Variants in FGL1 observed in about 807,000 individuals in gnomAD.
The protein encoded by FGL1 is fibrinogen like 1.
A neutral mutation model predicts 43.7 loss-of-function variants in FGL1; 59 were observed. The observed-to-expected ratio is 1.35, with a 90% CI of 1.10 to 1.68. The LOEUF is 1.68. Ranked by LOEUF, FGL1 falls within the 40% of genes most tolerant of loss-of-function variation. FGL1 has a pLI of 0.00. For missense variants in FGL1, 596 were observed against 373.0 expected (o/e 1.60, Z -4.92); for synonymous variants, 192 against 126.5 (o/e 1.52, Z -3.48).
chr8:17,891,829 A>G (rs770807147), intron 1 of FGL1: 5 of 977,352 alleles, frequency 5.1e-6, no homozygotes, highest in Non-Finnish European at 6.1e-6. Context: ...AACAAAAATA[A>G]CTACTCTTAA....
Position 17,864,645 on chromosome 8 carries a change from T to A in FGL1, c.886A>T (p.Lys296Ter). ...YTWHGWWYSL[K>*]SVVMKIRPND... ...GGCCTAATTTTCATAACCACAGATT[T>A]CAGAGAATACCACCACCCATGCCAG... The change falls in exon 8 of 8, where the codon AAA becomes TAA. Residue 296 changes from lysine (K) to a stop codon, truncating the protein, a stop_gained. Transcript: ENST00000427924. LOFTEE classifies it high-confidence loss of function. 1 of 1,613,076 alleles carries A rather than the reference T, an allele frequency of 6.2e-7. No homozygotes were observed. The highest frequency in any genetic ancestry group is 8.5e-7 in the Non-Finnish European group (1 of 1,179,778).
intron 2 of FGL1, chr8:17,882,699 T>A (rs1326671598): frequency 2.5e-5 from 3 of 121,980 alleles, no homozygotes; most frequent in African/African-American, 7.8e-5. Flanking sequence ...GTATATTTAA[T>A]GTATATTATA....
chr8:17,887,985 T>A (rs1451008327), intron 1 of FGL1, among the ~76,000 whole-genome samples: 1 of 152,142 alleles, frequency 6.6e-6, no homozygotes, highest in Non-Finnish European at 1.5e-5. Flanking sequence ...AATTCAATTG[T>A]ATATTGAGTA....
chr8:17,891,828 A>G, intron 1 of FGL1: 1 of 977,650 alleles, frequency 1.0e-6, no homozygotes, highest in Non-Finnish European at 1.2e-6. Flanking sequence ...CAACAAAAAT[A>G]ACTACTCTTA....
In FGL1 at chr8:17,881,983, A is replaced by C; in HGVS notation, c.244+16T>G. 1 of 1,609,718 alleles carries C rather than the reference A, an allele frequency of 6.2e-7. No individual in the cohort carries two copies. Among genetic ancestry groups the C allele is most frequent in the East Asian group, 2.2e-5 (1 of 44,812 alleles). On this transcript the variant is annotated intron_variant, in intron 3 of 7. Transcript: ENST00000427924. ...AATGTAAGTTATAGAAACACTTAAGAAAAGTCCATTCTGACCTGCATACTG... is the reference window on the plus strand; with the variant it reads ...AATGTAAGTTATAGAAACACTTAAGCAAAGTCCATTCTGACCTGCATACTG...
intron 1 of FGL1, among the ~76,000 whole-genome samples, chr8:17,886,486 G>T (rs928871960): frequency 6.6e-6 from 1 of 152,048 alleles, no homozygotes; most frequent in African/African-American, 2.4e-5. Context: ...GGCCTGGTGC[G>T]GTGGCTCACG....
intron 5 of FGL1, among the ~76,000 whole-genome samples, chr8:17,870,950 C>A (rs1218415192): frequency 1.6e-5 from 1 of 63,908 alleles, no homozygotes; most frequent in Non-Finnish European, 3.8e-5. Context: ...CTTAAGGGTG[C>A]ACACACCAGG....
chr8:17,885,480 C>G lies in FGL1; in HGVS notation c.63+12G>C, dbSNP rs761908696. The stretch of plus-strand genomic sequence containing the variant: ...ATTATAAATATGACAATAGTTTTCC[C>G]AAGAAGCTTACCGAAATTTCCCTGC... On this transcript the variant is annotated intron_variant, in intron 2 of 7. Transcript: ENST00000427924. The G allele has an allele frequency of 2.5e-6, 4 of 1,603,588 alleles. No homozygotes were observed. In the South Asian group the frequency reaches 3.3e-5, roughly 13 times the overall value.
chr8:17,876,437 G>C (rs1226458511), intron 3 of FGL1, among the ~76,000 whole-genome samples: 1 of 152,088 alleles, frequency 6.6e-6, no homozygotes, highest in African/African-American at 2.4e-5. Flanking sequence ...GCTTTGGTGA[G>C]ATGTTTACCT....
chr8:17,874,204 C>T lies in FGL1; in HGVS notation c.405-88G>A. The T allele has an allele frequency of 2.2e-6, 3 of 1,349,292 alleles. No homozygotes were observed. The South Asian group carries it at 3.8e-5, about 17-fold the overall frequency. 83.6% of individuals were successfully genotyped at this position (1,349,292 alleles called of 1,614,324 possible). A position where few individuals can be genotyped will look rare whatever the true frequency, so the allele number is the denominator to read the frequency against. The stretch of plus-strand genomic sequence containing the variant: ...CACCCACCCCCTGCTACCACCACCT[C>T]CAATATTTTCTTGATTAGTTAATTC... On this transcript the variant is annotated intron_variant, in intron 4 of 7. Coordinates refer to ENST00000427924, the MANE Select transcript of FGL1 (RefSeq NM_004467.4).
At chr8:17,876,102 C>T (rs1025821927) in intron 3 of FGL1, among the ~76,000 whole-genome samples, 2 of 152,150 alleles carry the variant, frequency 1.3e-5, no homozygotes, top group African/African-American at 4.8e-5. Context: ...GAGCCGTCTA[C>T]AAACATTTGA....
At chr8:17,886,940 C>A (rs903589510) in intron 1 of FGL1, among the ~76,000 whole-genome samples, 20 of 152,260 alleles carry the variant, frequency 1.3e-4, no homozygotes, top group African/African-American at 4.8e-4. Flanking sequence ...AAGGTAGAGG[C>A]AAATGGGCTA....
At chr8:17,880,581 C>T (rs1027932234) in intron 3 of FGL1, among the ~76,000 whole-genome samples, 1 of 152,120 alleles carries the variant, frequency 6.6e-6, no homozygotes, top group Middle Eastern at 3.2e-3. Flanking sequence ...TACTATGTTT[C>T]AGGCACTCTA....
At chr8:17,890,716 G>T (rs1215973123) in intron 1 of FGL1, among the ~76,000 whole-genome samples, 1 of 152,150 alleles carries the variant, frequency 6.6e-6, no homozygotes, top group Non-Finnish European at 1.5e-5. Context: ...TGCCATGACT[G>T]GGGAGGCCCC....
At chr8:17,876,356 G>A (rs1002056554) in intron 3 of FGL1, among the ~76,000 whole-genome samples, 1 of 152,064 alleles carries the variant, frequency 6.6e-6, no homozygotes, top group Non-Finnish European at 1.5e-5. Context: ...GACATCAGAA[G>A]AGAAAAGAAA....
chr8:17,883,084 TATATCATATGTAATATATTAA>T (rs2053567918), intron 2 of FGL1, among the ~76,000 whole-genome samples: 1 of 63,702 alleles, frequency 1.6e-5, no homozygotes, highest in Non-Finnish European at 2.5e-5. Flanking sequence ...ATATATAATA[TATATCATATGTAATATATTAA>T]ATAATATATA....
intron 3 of FGL1, among the ~76,000 whole-genome samples, chr8:17,881,062 A>G (rs1168262262): frequency 6.6e-6 from 1 of 152,176 alleles, no homozygotes; most frequent in Non-Finnish European, 1.5e-5. Flanking sequence ...AACTGCATAC[A>G]TGCAACAAGG....
intron 3 of FGL1, among the ~76,000 whole-genome samples, chr8:17,875,508 T>TTTCTTTCTTTC (rs2053433691): frequency 1.0e-4 from 1 of 9,556 alleles, no homozygotes; most frequent in African/African-American, 3.6e-4. Context: ...TCTTTCTTTC[T>TTTCTTTCTTTC]TTCTTTCTTT....
chr8:17,864,717 T>G lies in FGL1; in HGVS notation c.814A>C (p.Ser272Arg). 4.3e-6 allele frequency: 7 copies of G among 1,610,672 alleles called. No individual in the cohort carries two copies. The South Asian group carries it at 5.5e-5, about 13-fold the overall frequency. ...HSANLNGVYY[S>R]GPYTAKTDNG... is the part of the protein sequence containing the mutation. Reference sequence around the variant, plus strand: ...TCTGTTTTAGCCGTGTAGGGGCCGCTGTAGTATACACCATTCAGGTTTGCA... The same window carrying G: ...TCTGTTTTAGCCGTGTAGGGGCCGCGGTAGTATACACCATTCAGGTTTGCA... Residue 272 changes from serine (S) to arginine (R), a missense_variant, in exon 8 of 8, where the codon AGC becomes CGC. Physicochemically the swap from Ser to Arg is moderately radical, Grantham distance 110. Coordinates refer to ENST00000427924, the MANE Select transcript of FGL1 (RefSeq NM_004467.4).
Sources: allele counts gnomAD v4.1 joint callset (sites outside exome capture counted in the v4.1 genomes callset), GRCh38; gene constraint gnomAD v4.1.1; transcripts MANE v1.5; gene names NCBI Gene and HGNC (gene_info 2026-07-23, HGNC 2026-07-21).